Variants in SPEF2 observed in about 807,000 individuals in gnomAD.
The protein encoded by SPEF2 is sperm flagella and cilia-associated protein 2.
In SPEF2, 187 loss-of-function variants were observed where a neutral mutation model predicts 224.6. The ratio of observed to expected loss-of-function variants is 0.83; its 90% CI spans 0.74 to 0.94. The LOEUF is 0.94. Ranked by LOEUF, SPEF2 falls within the 40% of genes least tolerant of loss-of-function variation. The probability of loss-of-function intolerance (pLI) is 0.00; values close to 1 mark genes in which losing one functional copy is unlikely to be tolerated. For missense variants in SPEF2, 2,170 were observed against 2,135.6 expected (o/e 1.02, Z -0.32); for synonymous variants, 715 against 707.3 (o/e 1.01, Z -0.17).
rs999865544 is a variant in SPEF2 at position 35,775,196 on chromosome 5, G to C, written c.4079-1061G>C. ...GGCCTGTAGTCACAGCTACTGAAGAGATTGAGGTGAAGGATCGATTGTGTT... is the reference window on the plus strand; with the variant it reads ...GGCCTGTAGTCACAGCTACTGAAGACATTGAGGTGAAGGATCGATTGTGTT... On this transcript the variant is annotated intron_variant, in intron 28 of 36. Coordinates refer to ENST00000356031, the MANE Select transcript of SPEF2 (RefSeq NM_024867.4). 5.9e-5 allele frequency among the ~76,000 whole-genome samples: 9 copies of C among 152,210 alleles called. 2 individuals are homozygous for C. The highest frequency in any genetic ancestry group is 1.9e-4 in the East Asian group (1 of 5,170).
intron 32 of SPEF2, 33 bp downstream of exon 32, chr5:35,793,374 C>G: frequency 6.3e-7 from 1 of 1,594,412 alleles, no homozygotes; most frequent in Non-Finnish European, 8.6e-7. Context: ...ATTGATAACA[C>G]CAGAACACTT....
intron 20 of SPEF2, among the ~76,000 whole-genome samples, chr5:35,714,270 A>G (rs566820828): frequency 1.3e-5 from 2 of 151,436 alleles, no homozygotes; most frequent in Non-Finnish European, 1.5e-5. Context: ...AGTAAAGAGA[A>G]CCTTGCAAAT....
rs897263302 is a variant in SPEF2, at chr5:35,704,637, A to T, written c.2482A>T (p.Asn828Tyr). 8.1e-6 allele frequency: 13 copies of T among 1,610,654 alleles called. No homozygotes were observed. The highest frequency in any genetic ancestry group is 1.1e-5 in the Non-Finnish European group (13 of 1,177,292). Residue 828 changes from asparagine to tyrosine, a missense_variant, in exon 17 of 37, where the codon AAT becomes TAT. Coordinates refer to ENST00000356031, the MANE Select transcript of SPEF2 (RefSeq NM_024867.4). The part of the protein sequence containing the change: ...AENQDKDGDQ[N>Y]LRDQIQHRII... ...AAACCAAGATAAGGATGGAGACCAA[A>T]ATTTAAGAGACCAGATACAACATAG...
At chr5:35,687,415 TTTTTAATGGA>T (rs2149522437) in intron 10 of SPEF2, among the ~76,000 whole-genome samples, 1 of 150,760 alleles carries the variant, frequency 6.6e-6, no homozygotes, top group South Asian at 2.1e-4. Context: ...TTTTAAAGTA[TTTTTAATGGA>T]TTTTTTTTTT....
chr5:35,730,618 G>A (rs1288687978), intron 21 of SPEF2, among the ~76,000 whole-genome samples: 1 of 151,922 alleles, frequency 6.6e-6, no homozygotes, highest in Non-Finnish European at 1.5e-5. Context: ...ATATAGAGGG[G>A]GCTATGGAGG....
At position 35,772,146 on chromosome 5, in the gene SPEF2, C is replaced by T. The variant is rs1454509406; in HGVS notation, c.3949+390C>T. ...ATGTTTCAGGGGCAAGTCCTTTTCT[C>T]TTGGAGGCCTCCTGCCTAAATCCCT... On this transcript the variant is annotated intron_variant, in intron 27 of 36. Coordinates refer to ENST00000356031, the MANE Select transcript of SPEF2 (RefSeq NM_024867.4). 3.3e-5 allele frequency among the ~76,000 whole-genome samples: 5 copies of T among 152,298 alleles called. No individual in the cohort carries two copies. The East Asian group carries it at 9.7e-4, about 29-fold the overall frequency.
At chr5:35,676,483 C>T (rs982884297) in intron 10 of SPEF2, among the ~76,000 whole-genome samples, 3 of 152,174 alleles carry the variant, frequency 2.0e-5, no homozygotes, top group Admixed American at 2.0e-4. Flanking sequence ...AATCCCAGCA[C>T]TTTGGGAGGC....
intron 26 of SPEF2, among the ~76,000 whole-genome samples, chr5:35,768,843 A>T (rs1752425289): frequency 6.6e-6 from 1 of 152,170 alleles, no homozygotes; most frequent in South Asian, 2.1e-4. Context: ...ACCAGCTGAG[A>T]TTAGTGCAAC....
chr5:35,774,663 G>A (rs1753355450), intron 28 of SPEF2, among the ~76,000 whole-genome samples: 1 of 152,026 alleles, frequency 6.6e-6, no homozygotes, highest in Non-Finnish European at 1.5e-5. Flanking sequence ...CATATCCTAA[G>A]GGAAAAAAAC....
At chr5:35,778,188 G>T (rs1445638988) in intron 29 of SPEF2, among the ~76,000 whole-genome samples, 1 of 152,048 alleles carries the variant, frequency 6.6e-6, no homozygotes, top group Non-Finnish European at 1.5e-5. Context: ...TTTCTGTGTT[G>T]CTCACTTTCA....
chr5:35,773,699 G>A (rs868865201), intron 27 of SPEF2, among the ~76,000 whole-genome samples, 194 bp from the exon 28 acceptor site: 1 of 152,102 alleles, frequency 6.6e-6, no homozygotes, highest in Non-Finnish European at 1.5e-5. Context: ...TCCAGCCCAG[G>A]AACCATACAG....
intron 9 of SPEF2, 106 bp downstream of exon 9, chr5:35,667,365 T>A: frequency 1.9e-6 from 2 of 1,049,406 alleles, no homozygotes; most frequent in Non-Finnish European, 2.6e-6. Context: ...TAAAAATGAT[T>A]CATGAAAAGA....
intron 26 of SPEF2, among the ~76,000 whole-genome samples, chr5:35,767,981 C>G (rs1752307548): frequency 6.6e-6 from 1 of 151,804 alleles, no homozygotes; most frequent in African/African-American, 2.4e-5. Context: ...TCTTTCTAGT[C>G]TCATAGCAGT....
chr5:35,618,170 G>C, intron 1 of SPEF2, 115 bp downstream of exon 1: 3 of 1,133,580 alleles, frequency 2.6e-6, no homozygotes, highest in Non-Finnish European at 3.9e-6. Context: ...GCACAGGTGG[G>C]GCACCTGCGT....
Position 35,697,734 on chromosome 5 carries a change from GAAGA to G in SPEF2, c.2086_2089del (p.Lys696GlufsTer13). Reference sequence around the variant, plus strand: ...TTGGTGCAAAATCAGAACAGTTGCTGAAGAAAGGAAAGAGCATTCCTGATGTGCT... The same window carrying G: ...TTGGTGCAAAATCAGAACAGTTGCTGAAGGAAAGAGCATTCCTGATGTGCT... On this transcript the variant is annotated frameshift_variant, in exon 15 of 37. Transcript: ENST00000356031. LOFTEE classifies it high-confidence loss of function. The G allele has an allele frequency of 6.2e-7, 1 of 1,613,448 alleles. No homozygotes were observed. The highest frequency in any genetic ancestry group is 8.5e-7 in the Non-Finnish European group (1 of 1,179,654).
intron 30 of SPEF2, among the ~76,000 whole-genome samples, chr5:35,780,442 C>G (rs2149802345): frequency 6.6e-6 from 1 of 152,248 alleles, no homozygotes; most frequent in South Asian, 2.1e-4. Context: ...GGCTTTACAG[C>G]TCCAAGGTAT....
chr5:35,809,074 G>A (rs1274426290), intron 36 of SPEF2, among the ~76,000 whole-genome samples: 1 of 151,796 alleles, frequency 6.6e-6, no homozygotes, highest in African/African-American at 2.4e-5. Flanking sequence ...TGTTAAATGG[G>A]GATGAAACAT....
At position 35,638,892 on chromosome 5, in the gene SPEF2, A is replaced by G. The variant is rs981110658; in HGVS notation, c.162-2539A>G. 5.3e-5 allele frequency among the ~76,000 whole-genome samples: 8 copies of G among 152,262 alleles called. No homozygotes were observed. The East Asian group carries it at 1.5e-3, about 29-fold the overall frequency. ...TATCAGGGAGTATATCTGCTTAACC[A>G]TGGAAAAGTTAAAGGACCATCCTGA... On this transcript the variant is annotated intron_variant, in intron 2 of 36. Transcript: ENST00000356031.
intron 23 of SPEF2, among the ~76,000 whole-genome samples, chr5:35,740,617 G>A (rs919797079): frequency 6.6e-6 from 1 of 152,100 alleles, no homozygotes; most frequent in Non-Finnish European, 1.5e-5. Flanking sequence ...TACACATTTT[G>A]TTGATAGCAA....
Sources: allele counts gnomAD v4.1 joint callset (sites outside exome capture counted in the v4.1 genomes callset), GRCh38; gene constraint gnomAD v4.1.1; transcripts MANE v1.5; gene names NCBI Gene and HGNC (gene_info 2026-07-23, HGNC 2026-07-21).